The following CPXM2 variants were observed in gnomAD, a reference collection of about 807,000 sequenced individuals.
CPXM2 encodes inactive carboxypeptidase-like protein X2.
In CPXM2, 66 loss-of-function variants were observed where a neutral mutation model predicts 86.1. The observed-to-expected ratio is 0.77, with a 90% confidence interval of 0.63 to 0.94. The LOEUF is 0.94. Among genes scored for constraint, CPXM2 ranks in the 40% least tolerant of loss-of-function variants. The pLI is 0.00. For synonymous variants in CPXM2, 388 were observed against 400.2 expected (o/e 0.97, Z 0.36); for missense variants, 948 against 1,026.3 (o/e 0.92, Z 1.04).
At chr10:123,882,977 G>A (rs959764277) in intron 1 of CPXM2, among the ~76,000 whole-genome samples, 3 of 150,972 alleles carry the variant, frequency 2.0e-5, no homozygotes, top group Non-Finnish European at 4.4e-5. Context: ...CCATGGCCTG[G>A]GCAGCCCCCA....
chr10:123,767,114 G>A lies in CPXM2; in HGVS notation c.1338C>T (p.Thr446=). The change falls in exon 10 of 14, where the codon ACC becomes ACT. Residue 446 remains threonine, a synonymous_variant. Coordinates refer to ENST00000241305, the MANE Select transcript of CPXM2 (RefSeq NM_198148.3). ...TGTTGTTGATGTCAATTCCATCGTG[G>A]GTCCAGCGTCCCAGGGACCAGCCTC... is the stretch of plus-strand genomic sequence containing the variant. ...ELGGWSLGRW[T]HDGIDINNNF... 1 of 1,614,086 alleles carries A rather than the reference G, an allele frequency of 6.2e-7. No homozygotes were observed. The highest frequency in any genetic ancestry group is 1.1e-5 in the South Asian group (1 of 91,070).
At chr10:123,765,703 C>A (rs1185847638) in intron 10 of CPXM2, among the ~76,000 whole-genome samples, 5 of 152,216 alleles carry the variant, frequency 3.3e-5, no homozygotes, top group Non-Finnish European at 7.3e-5. Context: ...CTAACTGAAC[C>A]AAGTGGCATT....
intron 2 of CPXM2, among the ~76,000 whole-genome samples, chr10:123,864,057 C>T (rs1442054939): frequency 6.6e-6 from 1 of 152,194 alleles, no homozygotes; most frequent in East Asian, 1.9e-4. Flanking sequence ...GGAGCCTGGG[C>T]TCTGGCTGAA....
intron 6 of CPXM2, among the ~76,000 whole-genome samples, chr10:123,788,829 C>A (rs117082631): frequency 6.7e-6 from 1 of 148,278 alleles, no homozygotes. Context: ...ATCGCCAAAG[C>A]GTACACTTTA....
At chr10:123,894,706 C>T (rs1945320729), upstream of CPXM2, among the ~76,000 whole-genome samples, 1 of 152,186 alleles carries the variant, frequency 6.6e-6, no homozygotes, top group African/African-American at 2.4e-5. Flanking sequence ...GAAGACCTCC[C>T]TGGTCATCTT....
intron 13 of CPXM2, 114 bp from the exon 14 acceptor site, chr10:123,747,131 G>T: frequency 1.6e-6 from 2 of 1,290,188 alleles, no homozygotes; most frequent in Non-Finnish European, 2.1e-6. Flanking sequence ...GGCTGGCAAC[G>T]TGGAATCCGA....
In CPXM2 at chr10:123,746,729, A is replaced by G. The variant is rs764996608; in HGVS notation, c.*35T>C. On this transcript the variant is annotated 3_prime_UTR_variant, in exon 14 of 14. Coordinates refer to ENST00000241305, the MANE Select transcript of CPXM2 (RefSeq NM_198148.3). ...CTACTACCAGGTTGGTTTAATTTGC[A>G]TGGGTCCCAGACGAGTCTCAAGGGC... 7 of 1,606,530 alleles carry G rather than the reference A, an allele frequency of 4.4e-6. No homozygotes were observed. Among genetic ancestry groups the G allele is most frequent in the Middle Eastern group, 1.8e-4 (1 of 5,562 alleles).
At chr10:123,814,142 G>A (rs974025581) in intron 4 of CPXM2, among the ~76,000 whole-genome samples, 1 of 152,170 alleles carries the variant, frequency 6.6e-6, no homozygotes, top group African/African-American at 2.4e-5. Context: ...AACTTGATCG[G>A]CTTGAAGGAT....
chr10:123,936,972 G>A (rs1945726495), intron 2 of CPXM2, among the ~76,000 whole-genome samples: 2 of 152,206 alleles, frequency 1.3e-5, no homozygotes, highest in Admixed American at 1.3e-4. Flanking sequence ...GAAGGCCGGG[G>A]TAGGGGGTTC....
At chr10:123,922,273 T>C (rs1564823158) in intron 2 of CPXM2, among the ~76,000 whole-genome samples, 2 of 151,736 alleles carry the variant, frequency 1.3e-5, no homozygotes, top group African/African-American at 2.4e-5. Flanking sequence ...TTTCATGGTA[T>C]AGTGATTTCT....
chr10:123,801,207 C>A (rs530065803), intron 4 of CPXM2, among the ~76,000 whole-genome samples: 1 of 152,346 alleles, frequency 6.6e-6, no homozygotes, highest in East Asian at 1.9e-4. Context: ...TTCTTCCCAT[C>A]TCATTCTCAT....
intron 6 of CPXM2, among the ~76,000 whole-genome samples, chr10:123,792,552 G>C (rs952517270): frequency 2.0e-5 from 3 of 152,198 alleles, no homozygotes; most frequent in Non-Finnish European, 4.4e-5. Flanking sequence ...AGCAGAGACA[G>C]AGACCGGAAA....
chr10:123,902,932 C>G (rs995065604), intron 2 of CPXM2, among the ~76,000 whole-genome samples: 2 of 152,226 alleles, frequency 1.3e-5, no homozygotes, highest in African/African-American at 4.8e-5. Context: ...CCCACCGTGC[C>G]CTTTCATTCT....
chr10:123,862,844 C>T, intron 2 of CPXM2, 121 bp from the exon 3 acceptor site: 1 of 774,782 alleles, frequency 1.3e-6, no homozygotes, highest in Non-Finnish European at 2.2e-6. Flanking sequence ...ACAGGCATGC[C>T]TGGTCTTTCC....
Position 123,768,537 on chromosome 10 carries a change from CCTT to C in CPXM2, c.1285_1287del (p.Lys429del), listed in dbSNP as rs752234963. On this transcript the variant is annotated inframe_deletion, in exon 9 of 14. Transcript: ENST00000241305. The stretch of plus-strand genomic sequence containing the variant: ...GCCAGGGCCATTACCCCTTCGTAGG[CCTT>C]CTCGTAGCCATCGGGGTTGAGGGAG... 6.2e-7 allele frequency: 1 copy of C among 1,613,198 alleles called. No homozygotes were observed. Among genetic ancestry groups the C allele is most frequent in the Non-Finnish European group, 8.5e-7 (1 of 1,179,512 alleles).
At position 123,937,484 on chromosome 10, in the gene CPXM2, C is replaced by T. The variant is rs993133542; in HGVS notation, n.174+1993G>A. On this transcript the variant is annotated intron_variant and non_coding_transcript_variant, in intron 2 of 19. Transcript: ENST00000368854. ...GACAACAAAACAACACACACACACACACACACACACACACACACACACACA... is the reference window on the plus strand; with the variant it reads ...GACAACAAAACAACACACACACACATACACACACACACACACACACACACA... Among the ~76,000 whole-genome samples, 195 of 111,160 alleles carry T rather than the reference C, an allele frequency of 1.8e-3. 3 individuals carry two copies. The East Asian group carries it at 0.065, about 37-fold the overall frequency. The allele number at this position is 111,160 out of a possible 152,430, so 72.9% of individuals were successfully genotyped here.
At chr10:123,936,913 C>T (rs1196713561) in intron 2 of CPXM2, among the ~76,000 whole-genome samples, 2 of 152,136 alleles carry the variant, frequency 1.3e-5, no homozygotes, top group African/African-American at 4.8e-5. Flanking sequence ...CTCTCTCTCA[C>T]CAAAGGGGGA....
At chr10:123,820,775 T>A (rs1454785918) in intron 4 of CPXM2, among the ~76,000 whole-genome samples, 1 of 152,152 alleles carries the variant, frequency 6.6e-6, no homozygotes. Flanking sequence ...CCAGCAACAG[T>A]GCATGTCTCT....
intron 3 of CPXM2, among the ~76,000 whole-genome samples, chr10:123,857,679 G>A (rs922212837): frequency 8.0e-5 from 12 of 150,866 alleles, no homozygotes; most frequent in Admixed American, 7.3e-4. Flanking sequence ...GATGGAAGGC[G>A]GCGTGGAGCT....
Sources: gnomAD v4.1 joint callset for allele counts (sites outside exome capture counted in the v4.1 genomes callset) on GRCh38, gnomAD v4.1.1 for gene constraint, MANE v1.5 for transcripts, NCBI Gene and HGNC (gene_info 2026-07-23, HGNC 2026-07-21) for gene names.